HELZ: variants seen among roughly 807,000 people sequenced by gnomAD.
HELZ encodes the protein helicase with zinc finger, also known as ATP-dependent RNA helicase with zinc finger domain.
A neutral mutation model predicts 218.2 loss-of-function variants in HELZ; 23 were observed. The ratio of observed to expected loss-of-function variants is 0.11; its 90% CI spans 0.08 to 0.15. The LOEUF is 0.15. Ranked by LOEUF, HELZ falls within the 10% of genes least tolerant of loss-of-function variation. The pLI, the probability that HELZ is intolerant of heterozygous loss-of-function variation, is 1.00. For missense variants in HELZ, 1,813 were observed against 2,353.7 expected (o/e 0.77, Z 4.75); for synonymous variants, 814 against 829.4 (o/e 0.98, Z 0.32).
intron 31 of HELZ, among the ~76,000 whole-genome samples, chr17:67,094,759 C>T (rs536488609): frequency 6.6e-6 from 1 of 152,174 alleles, no homozygotes; most frequent in South Asian, 2.1e-4. Context: ...CCATGAATAG[C>T]CACTGCATTC....
At chr17:67,227,870 A>G (rs568836054) in intron 3 of HELZ, among the ~76,000 whole-genome samples, 2 of 152,328 alleles carry the variant, frequency 1.3e-5, no homozygotes, top group Non-Finnish European at 2.9e-5. Context: ...TCTCTTGTTA[A>G]TGTAGTTATG....
intron 3 of HELZ, chr17:67,224,650 G>A: frequency 1.6e-6 from 1 of 632,002 alleles, no homozygotes; most frequent in Non-Finnish European, 2.9e-6. Flanking sequence ...GGAGACAAAT[G>A]GCTTAGTGTG....
intron 13 of HELZ, chr17:67,172,933 A>G (rs1429929578): frequency 7.2e-6 from 3 of 418,842 alleles, no homozygotes; most frequent in African/African-American, 2.2e-5. Context: ...AGTTTCACTC[A>G]TGTCTATTTG....
intron 27 of HELZ, among the ~76,000 whole-genome samples, chr17:67,119,021 T>C (rs1567815477): frequency 6.6e-6 from 1 of 152,044 alleles, no homozygotes; most frequent in East Asian, 1.9e-4. Flanking sequence ...CAAGTGCAAA[T>C]GGTAATCTGG....
intron 2 of HELZ, among the ~76,000 whole-genome samples, chr17:67,242,023 C>T (rs947750360): frequency 2.0e-5 from 3 of 152,228 alleles, no homozygotes; most frequent in Admixed American, 1.3e-4. Context: ...CACAAGATTA[C>T]CTACTTCTAA....
intron 10 of HELZ, 52 bp downstream of exon 10, chr17:67,190,105 T>TCAAGTCAAGACCAGCCTGGC: frequency 6.9e-7 from 1 of 1,456,840 alleles, no homozygotes; most frequent in Non-Finnish European, 9.6e-7. Context: ...AAGTCAAGAC[T>TCAAGTCAAGACCAGCCTGGC]CAAGTTCATT....
chr17:67,107,448 T>C lies in HELZ; in HGVS notation c.4962A>G (p.Pro1654=), dbSNP rs1355688527. ...AGAAAGGTGAGTTGAATATCTGGGG[T>C]GGGAGGCGCTGTGGAAATGCTGGGT... is the stretch of plus-strand genomic sequence containing the variant. The part of the protein sequence containing the change: ...ASNPAFPQRL[P]PQIFNSPFSL... Residue 1654 remains proline, a synonymous_variant, in exon 31 of 33, where the codon CCA becomes CCG. Transcript: ENST00000358691. 17 of 1,613,978 alleles carry C rather than the reference T, an allele frequency of 1.1e-5. No individual in the cohort carries two copies. The highest frequency in any genetic ancestry group is 1.4e-5 in the Non-Finnish European group (17 of 1,180,008).
intron 5 of HELZ, among the ~76,000 whole-genome samples, chr17:67,207,744 C>T (rs756251899): frequency 4.6e-5 from 7 of 152,022 alleles, no homozygotes; most frequent in Non-Finnish European, 7.4e-5. Context: ...AAATAAAGGC[C>T]GAGCCTATAA....
intron 11 of HELZ, 27 bp downstream of exon 11, chr17:67,189,562 A>C (rs767413187): frequency 7.1e-7 from 1 of 1,407,924 alleles, no homozygotes; most frequent in South Asian, 1.2e-5. Context: ...CACAACTTTT[A>C]TGCTTTAACT....
rs577568748 is a variant in HELZ at position 67,108,116 on chromosome 17, TTAA to T, written c.4724+373_4724+375del. Among the ~76,000 whole-genome samples, 30 of 152,344 alleles carry T rather than the reference TTAA, an allele frequency of 2.0e-4. No individual in the cohort carries two copies. In the East Asian group the frequency reaches 5.2e-3, roughly 26 times the overall value. On this transcript the variant is annotated intron_variant, in intron 30 of 32. Coordinates refer to ENST00000358691, the MANE Select transcript of HELZ (RefSeq NM_014877.4). This position sits in a 1 kb window ranked among gnomAD's most constrained non-coding sequence, Gnocchi z 4.1. Reference sequence around the variant, plus strand: ...GAATTCTGTGCCACCATAAAAATAATTAATGATATAATTTTTAGCTTTTAACCA... The same window carrying T: ...GAATTCTGTGCCACCATAAAAATAATTGATATAATTTTTAGCTTTTAACCA...
chr17:67,135,264 T>C (rs1350899104), intron 23 of HELZ, among the ~76,000 whole-genome samples: 6 of 152,194 alleles, frequency 3.9e-5, no homozygotes, highest in Non-Finnish European at 8.8e-5. Flanking sequence ...TTATCTACAT[T>C]GAGAAGCCTT....
intron 24 of HELZ, among the ~76,000 whole-genome samples, chr17:67,126,976 C>T (rs1479892820): frequency 6.6e-6 from 1 of 152,208 alleles, no homozygotes; most frequent in Non-Finnish European, 1.5e-5. Flanking sequence ...TTAAGCTTTA[C>T]TCATTCATTT....
chr17:67,214,056 G>C lies in HELZ; in HGVS notation c.247+1843C>G, dbSNP rs965048721. On this transcript the variant is annotated intron_variant, in intron 5 of 32. Coordinates refer to ENST00000358691, the MANE Select transcript of HELZ (RefSeq NM_014877.4). Reference sequence around the variant, plus strand: ...ACAATAACTTCTTCAGATGGGGGAAGGATAAATTTTTCCTCTATATTATTT... The same window carrying C: ...ACAATAACTTCTTCAGATGGGGGAACGATAAATTTTTCCTCTATATTATTT... Among the ~76,000 whole-genome samples, 5 of 151,966 alleles carry C rather than the reference G, an allele frequency of 3.3e-5. No homozygotes were observed. The East Asian group carries it at 9.7e-4, about 29-fold the overall frequency.
At position 67,218,826 on chromosome 17, in the gene HELZ, C is replaced by T; in HGVS notation, c.-18-4G>A. On this transcript the variant is annotated splice_region_variant and splice_polypyrimidine_tract_variant and intron_variant, in intron 3 of 32. Transcript: ENST00000358691. ...CCATGACTCAGGGACAAAAATCCTA[C>T]AGACAGGGAGAAAGAACAAGAGAAG... The T allele has an allele frequency of 6.2e-7, 1 of 1,603,400 alleles. No homozygotes were observed. Among genetic ancestry groups the T allele is most frequent in the Non-Finnish European group, 8.5e-7 (1 of 1,170,370 alleles).
intron 21 of HELZ, among the ~76,000 whole-genome samples, chr17:67,144,658 T>C (rs2038438945): frequency 6.6e-6 from 1 of 151,654 alleles, no homozygotes; most frequent in African/African-American, 2.4e-5. Context: ...GGATCAAGGA[T>C]CAGGGCTCAG....
At chr17:67,161,123 A>G (rs2038983185) in intron 15 of HELZ, 47 bp from the exon 16 acceptor site, 2 of 1,389,198 alleles carry the variant, frequency 1.4e-6, no homozygotes, top group East Asian at 4.7e-5. Context: ...CTCGTTAATA[A>G]ATAGAACATA....
At chr17:67,104,311 C>CA (rs1434342299) in intron 31 of HELZ, among the ~76,000 whole-genome samples, 1 of 151,926 alleles carries the variant, frequency 6.6e-6, no homozygotes, top group Non-Finnish European at 1.5e-5. Flanking sequence ...TGGTGGTGGA[C>CA]ACCTGTAGTT....
rs1053517542 is a variant in HELZ at position 67,073,610 on chromosome 17, A to G, written c.*4642T>C. On this transcript the variant is annotated 3_prime_UTR_variant, in exon 33 of 33. Transcript: ENST00000358691. ...CTAAGTCTAGATTCTTCTATTAGGT[A>G]CCTCCCTCCAAAAAATTTTTAGAAA... 1.3e-5 allele frequency: 2 copies of G among 152,054 alleles called. No individual in the cohort carries two copies. Among genetic ancestry groups the G allele is most frequent in the African/African-American group, 4.8e-5 (2 of 41,402 alleles). 9.4% of individuals were successfully genotyped at this position (152,054 alleles called of 1,614,324 possible).
rs2039526734 is a variant in HELZ, at chr17:67,178,792, G to C, written c.1297C>G (p.Gln433Glu). The C allele has an allele frequency of 1.5e-5, 24 of 1,613,766 alleles. No individual in the cohort carries two copies. The highest frequency in any genetic ancestry group is 2.0e-5 in the Non-Finnish European group (24 of 1,179,898). ...AGCTGGTCAGCAGAGAGGGGAATTT[G>C]GTATCTGATAAGAAGGCTCTTCTCC... ...DLEKSLLIRY[Q>E]IPLSADQLFT... Residue 433 changes from glutamine (Q) to glutamate (E), a missense_variant, in exon 13 of 33, where the codon CAA (glutamine) becomes GAA (glutamate). Around this residue, in one of 4 missense-constraint regions of HELZ, gnomAD observed 714 missense variants for 1,029.2 expected, o/e 0.69. Transcript: ENST00000358691.
Sources: gnomAD v4.1 joint callset for allele counts (sites outside exome capture counted in the v4.1 genomes callset) on GRCh38, gnomAD v4.1.1 for gene constraint, gnomAD v4.1.1 regional missense constraint, Gnocchi (gnomAD v3.1) non-coding constraint, MANE v1.5 for transcripts, NCBI Gene and HGNC (gene_info 2026-07-23, HGNC 2026-07-21) for gene names.